The following MYZAP variants were observed in gnomAD, a reference collection of about 807,000 sequenced individuals.
MYZAP encodes myocardial zonula adherens protein.
A neutral mutation model predicts 69.4 loss-of-function variants in MYZAP; 66 were observed. The observed-to-expected ratio is 0.95, with a 90% CI of 0.78 to 1.17. The LOEUF is 1.17. Ranked by LOEUF, MYZAP falls within the 50% of genes most tolerant of loss-of-function variation. The pLI is 0.00. For missense variants in MYZAP, 611 were observed against 556.2 expected (o/e 1.10, Z -0.99); for synonymous variants, 256 against 205.9 (o/e 1.24, Z -2.09).
intron 1 of MYZAP, among the ~76,000 whole-genome samples, chr15:57,593,212 A>ACACACACACACC (rs770540454): frequency 3.2e-5 from 4 of 124,992 alleles, no homozygotes; most frequent in African/African-American, 1.4e-4. Context: ...ACACACACAC[A>ACACACACACACC]CACCCCAGAA....
rs147285137 is a variant in MYZAP at position 57,606,639 on chromosome 15, T to C, written c.162+2284T>C. Among the ~76,000 whole-genome samples the C allele has an allele frequency of 5.0e-3, 756 of 151,610 alleles. 8 individuals are homozygous for C. Among genetic ancestry groups the C allele is most frequent in the African/African-American group, 0.017 (704 of 41,284 alleles). ...ATATACCTAATGCTAAATGACGAAT[T>C]AATGGGTGCAGCGCACCAGCATGGC... is the stretch of plus-strand genomic sequence containing the variant. On this transcript the variant is annotated intron_variant, in intron 2 of 12. Transcript: ENST00000267853.
chr15:57,599,808 G>T (rs1041857073), intron 1 of MYZAP: 7 of 818,866 alleles, frequency 8.5e-6, no homozygotes, highest in Non-Finnish European at 1.3e-5. Context: ...AACTTTATGG[G>T]TGGTTCAGGG....
intron 4 of MYZAP, among the ~76,000 whole-genome samples, chr15:57,624,751 G>A (rs2036024981): frequency 6.6e-6 from 1 of 152,140 alleles, no homozygotes; most frequent in South Asian, 2.1e-4. Context: ...ACCTACTGCA[G>A]CCAGATTAAG....
At chr15:57,683,736 T>C (rs1321436679) in intron 12 of MYZAP, among the ~76,000 whole-genome samples, 3 of 151,992 alleles carry the variant, frequency 2.0e-5, no homozygotes, top group African/African-American at 7.2e-5. Context: ...GGTTCATGTA[T>C]AGTGTCTTCT....
At chr15:57,648,954 A>T (rs2256296) in intron 10 of MYZAP, among the ~76,000 whole-genome samples, 78,761 of 150,654 alleles carry the variant, frequency 0.52, 21,095 homozygotes, top group East Asian at 0.85. Context: ...TATATATATA[A>T]AATTAGTATG....
chr15:57,630,109 C>A (rs1375170087), intron 6 of MYZAP, among the ~76,000 whole-genome samples: 1 of 152,062 alleles, frequency 6.6e-6, no homozygotes, highest in Non-Finnish European at 1.5e-5. Context: ...GCTGGAATTA[C>A]AGGCACGTGC....
intron 11 of MYZAP, among the ~76,000 whole-genome samples, chr15:57,666,587 T>A (rs1312749977): frequency 6.6e-6 from 1 of 152,116 alleles, no homozygotes; most frequent in African/African-American, 2.4e-5. Context: ...ATTTAAAATC[T>A]TCCTGATCCC....
At chr15:57,601,984 C>T (rs2032780870) in intron 1 of MYZAP, among the ~76,000 whole-genome samples, 1 of 152,082 alleles carries the variant, frequency 6.6e-6, no homozygotes, top group Non-Finnish European at 1.5e-5. Flanking sequence ...ACCTGGGCTC[C>T]CTAACCTGTT....
chr15:57,684,588 C>G lies in MYZAP; in HGVS notation c.*90C>G, dbSNP rs1202938969. 2.5e-6 allele frequency: 2 copies of G among 810,042 alleles called. No homozygotes were observed. The highest frequency in any genetic ancestry group is 4.4e-5 in the Admixed American group (2 of 45,790). 50.2% of individuals were successfully genotyped at this position (810,042 alleles called of 1,614,324 possible). On this transcript the variant is annotated 3_prime_UTR_variant, in exon 13 of 13. Coordinates refer to ENST00000267853, the MANE Select transcript of MYZAP (RefSeq NM_001018100.5). ...TTTGGGAAGGGTGACTGTTGTTTCCCCTACACACAGTGTAAGCCGGAATGG... is the reference window on the plus strand; with the variant it reads ...TTTGGGAAGGGTGACTGTTGTTTCCGCTACACACAGTGTAAGCCGGAATGG...
intron 5 of MYZAP, among the ~76,000 whole-genome samples, chr15:57,626,741 T>C (rs2140416837): frequency 6.6e-6 from 1 of 152,356 alleles, no homozygotes; most frequent in South Asian, 2.1e-4. Context: ...TTTAGATAAA[T>C]AAATTTTCAT....
chr15:57,607,062 C>T (rs930895246), intron 2 of MYZAP, among the ~76,000 whole-genome samples: 1 of 152,226 alleles, frequency 6.6e-6, no homozygotes, highest in Non-Finnish European at 1.5e-5. Context: ...GAGCTAATGG[C>T]TTGGTCCAAG....
At chr15:57,594,911 G>T (rs1319155721) in intron 1 of MYZAP, among the ~76,000 whole-genome samples, 1 of 152,206 alleles carries the variant, frequency 6.6e-6, no homozygotes, top group Non-Finnish European at 1.5e-5. Context: ...ATTCCTCTCT[G>T]ATGATGGACA....
chr15:57,617,172 G>T (rs1447510048), intron 2 of MYZAP, among the ~76,000 whole-genome samples: 3 of 152,086 alleles, frequency 2.0e-5, no homozygotes, highest in East Asian at 3.9e-4. Context: ...TAAGCAAGTT[G>T]CCTAACGTCT....
intron 2 of MYZAP, among the ~76,000 whole-genome samples, chr15:57,612,064 T>C (rs2035139316): frequency 2.0e-5 from 3 of 152,230 alleles, no homozygotes; most frequent in Admixed American, 2.0e-4. Flanking sequence ...TTTGCTGAGA[T>C]AGATACACAG....
chr15:57,647,002 AGCAATGGGTG>A (rs1221570021), intron 10 of MYZAP: 4 of 985,300 alleles, frequency 4.1e-6, no homozygotes, highest in Middle Eastern at 1.0e-3. Context: ...CTGCAGTCAT[AGCAATGGGTG>A]GCATGAGTCT....
intron 10 of MYZAP, chr15:57,647,433 C>G (rs2037499102): frequency 1.0e-6 from 1 of 985,360 alleles, no homozygotes; most frequent in Non-Finnish European, 1.2e-6. Flanking sequence ...TAATGTTTTT[C>G]TAAGTCTCTG....
chr15:57,617,850 A>G (rs2035568432), intron 2 of MYZAP, among the ~76,000 whole-genome samples, 183 bp from the exon 3 acceptor site: 1 of 152,172 alleles, frequency 6.6e-6, no homozygotes, highest in African/African-American at 2.4e-5. Context: ...AAGCAGCCCA[A>G]GCCTATGCCA....
chr15:57,592,388 C>A (rs1253223573), intron 1 of MYZAP, among the ~76,000 whole-genome samples: 1 of 152,204 alleles, frequency 6.6e-6, no homozygotes, highest in Non-Finnish European at 1.5e-5. Flanking sequence ...TTATTGGCGG[C>A]ACCAGTTTAA....
intron 2 of MYZAP, among the ~76,000 whole-genome samples, chr15:57,615,311 A>G (rs1346610950): frequency 3.9e-5 from 6 of 152,218 alleles, no homozygotes; most frequent in African/African-American, 1.4e-4. Context: ...AAAAATGAAA[A>G]TTTGAAATTT....
Sources: gnomAD v4.1 joint callset for allele counts (sites outside exome capture counted in the v4.1 genomes callset) on GRCh38, gnomAD v4.1.1 for gene constraint, MANE v1.5 for transcripts, NCBI Gene and HGNC (gene_info 2026-07-23, HGNC 2026-07-21) for gene names.